Variants in ZCCHC7 observed in about 807,000 individuals in gnomAD.
ZCCHC7 encodes the protein zinc finger CCHC-type containing 7.
ZCCHC7 carries 35 observed loss-of-function variants against 52.0 expected under a neutral mutation model. The ratio of observed to expected loss-of-function variants is 0.67; its 90% CI spans 0.51 to 0.89. The LOEUF (loss-of-function observed/expected upper bound fraction) is 0.89, where lower values mean the gene tolerates loss of function less well. ZCCHC7 is among the 40% of genes least tolerant of loss of function. The pLI, the probability that ZCCHC7 is intolerant of heterozygous loss-of-function variation, is 0.00. For missense variants in ZCCHC7, 574 were observed against 649.1 expected (o/e 0.88, Z 1.26); for synonymous variants, 217 against 221.5 (o/e 0.98, Z 0.18).
At chr9:37,127,001 T>A (rs1246484531) in intron 2 of ZCCHC7, 59 bp downstream of exon 2, 2 of 1,570,806 alleles carry the variant, frequency 1.3e-6, no homozygotes, top group Non-Finnish European at 1.7e-6. Flanking sequence ...AGGACTGCTT[T>A]TCCTAGAGAA....
rs533370639 is a variant in ZCCHC7 at position 37,205,854 on chromosome 9, A to T, written c.610+78912A>T. On this transcript the variant is annotated intron_variant, in intron 2 of 8. Coordinates refer to ENST00000336755, the MANE Select transcript of ZCCHC7 (RefSeq NM_032226.3). ...TTATTTGGTGAGGAAAGTTGAAATC[A>T]TGCATTTGTACAATTGTGGATTTGT... Among the ~76,000 whole-genome samples, 4 of 149,836 alleles carry T rather than the reference A, an allele frequency of 2.7e-5. No individual in the cohort carries two copies. In the South Asian group the frequency reaches 6.3e-4, roughly 24 times the overall value.
chr9:37,274,387 A>AG, intron 2 of ZCCHC7, among the ~76,000 whole-genome samples: 1 of 120,884 alleles, frequency 8.3e-6, no homozygotes, highest in South Asian at 2.7e-4. Context: ...TTGCTCAGGC[A>AG]GGAGCACAGT....
intron 2 of ZCCHC7, among the ~76,000 whole-genome samples, chr9:37,217,710 A>G (rs910251794): frequency 6.6e-6 from 1 of 152,200 alleles, no homozygotes; most frequent in South Asian, 2.1e-4. Flanking sequence ...TAAATTTCCA[A>G]CAGTATCTTG....
chr9:37,161,313 A>G (rs868470652), intron 2 of ZCCHC7, among the ~76,000 whole-genome samples: 3 of 152,080 alleles, frequency 2.0e-5, no homozygotes, highest in East Asian at 3.9e-4. Context: ...GGTGGCTCAC[A>G]CCTGTAATCC....
chr9:37,198,770 A>C (rs563687567), intron 2 of ZCCHC7, among the ~76,000 whole-genome samples: 1 of 152,264 alleles, frequency 6.6e-6, no homozygotes, highest in South Asian at 2.1e-4. Context: ...GGAGGAGATA[A>C]ATTTGAAAGA....
intron 2 of ZCCHC7, among the ~76,000 whole-genome samples, chr9:37,280,686 CT>C (rs925072499): frequency 1.5e-4 from 23 of 151,144 alleles, no homozygotes; most frequent in African/African-American, 3.6e-4. Context: ...ATTCATTAAA[CT>C]TTTTTTTGTT....
At chr9:37,289,686 T>C (rs1374514489) in intron 2 of ZCCHC7, among the ~76,000 whole-genome samples, 3 of 152,222 alleles carry the variant, frequency 2.0e-5, no homozygotes, top group African/African-American at 7.2e-5. Context: ...TCAAATCATA[T>C]TACTCTTACG....
At chr9:37,200,584 C>T in intron 2 of ZCCHC7, among the ~76,000 whole-genome samples, 1 of 152,180 alleles carries the variant, frequency 6.6e-6, no homozygotes, top group Middle Eastern at 3.2e-3. Flanking sequence ...TGATGTGCAA[C>T]TGTTGAGTCC....
chr9:37,235,363 A>T (rs1380355666), intron 2 of ZCCHC7, among the ~76,000 whole-genome samples: 1 of 152,042 alleles, frequency 6.6e-6, no homozygotes, highest in Non-Finnish European at 1.5e-5. Flanking sequence ...TATTTGTCTT[A>T]CTGTGTCTGG....
intron 2 of ZCCHC7, among the ~76,000 whole-genome samples, chr9:37,271,710 T>G (rs1003332263): frequency 6.6e-6 from 1 of 151,930 alleles, no homozygotes; most frequent in Non-Finnish European, 1.5e-5. Flanking sequence ...GCTGGGACTG[T>G]GGGGGTGCGC....
chr9:37,310,517 G>A (rs1208071405), intron 5 of ZCCHC7, among the ~76,000 whole-genome samples: 1 of 152,144 alleles, frequency 6.6e-6, no homozygotes, highest in Non-Finnish European at 1.5e-5. Context: ...GATATGAAGT[G>A]TAGGTACTAT....
At chr9:37,304,817 A>G (rs1004484810) in intron 4 of ZCCHC7, among the ~76,000 whole-genome samples, 1 of 152,216 alleles carries the variant, frequency 6.6e-6, no homozygotes, top group Non-Finnish European at 1.5e-5. Context: ...ACTTATCATT[A>G]CTAGTTGTAT....
In ZCCHC7 at chr9:37,304,086, A is replaced by T. The variant is rs768679893; in HGVS notation, c.655-102A>T. 2.7e-6 allele frequency: 3 copies of T among 1,128,292 alleles called. No homozygotes were observed. In the African/African-American group the frequency reaches 4.7e-5, roughly 18 times the overall value. The allele number at this position is 1,128,292 out of a possible 1,614,324, so 69.9% of individuals were successfully genotyped here. A position where few individuals can be genotyped will look rare whatever the true frequency, so the allele number is the denominator to read the frequency against. On this transcript the variant is annotated intron_variant, in intron 3 of 8. Coordinates refer to ENST00000336755, the MANE Select transcript of ZCCHC7 (RefSeq NM_032226.3). ...GGTAATGGAACTGACTTGAAGCTTG[A>T]TGTATCTTTATTTGCTTATAGTTGT...
chr9:37,208,237 A>G (rs1182048036), intron 2 of ZCCHC7, among the ~76,000 whole-genome samples: 1 of 152,122 alleles, frequency 6.6e-6, no homozygotes, highest in Non-Finnish European at 1.5e-5. Context: ...GGCGTGCACC[A>G]CCACACGCGG....
chr9:37,250,437 G>T (rs1407726326), intron 2 of ZCCHC7, among the ~76,000 whole-genome samples: 1 of 152,032 alleles, frequency 6.6e-6, no homozygotes, highest in Non-Finnish European at 1.5e-5. Context: ...AAGTAGCTGG[G>T]ATTACAGATG....
In ZCCHC7 at chr9:37,354,558, C is replaced by T; in HGVS notation, c.1084-152C>T. ...GTGGGGTTTAGGGCTGGGTGACCCT[C>T]CCAACACCCCAGCAAGGACCATATC... On this transcript the variant is annotated intron_variant, in intron 7 of 8. Coordinates refer to ENST00000336755, the MANE Select transcript of ZCCHC7 (RefSeq NM_032226.3). This position sits in a 1 kb window ranked among gnomAD's most constrained non-coding sequence, Gnocchi z 4.0. 2 of 553,958 alleles carry T rather than the reference C, an allele frequency of 3.6e-6. No individual in the cohort carries two copies. The allele number at this position is 553,958 out of a possible 1,614,324, so 34.3% of individuals were successfully genotyped here.
At chr9:37,306,132 A>G (rs979918573) in intron 5 of ZCCHC7, among the ~76,000 whole-genome samples, 1 of 151,948 alleles carries the variant, frequency 6.6e-6, no homozygotes, top group Non-Finnish European at 1.5e-5. Flanking sequence ...CGGTGGTGCA[A>G]TCTCGGCTCA....
chr9:37,191,159 T>C (rs1033194821), intron 2 of ZCCHC7, among the ~76,000 whole-genome samples: 1 of 152,230 alleles, frequency 6.6e-6, no homozygotes, highest in Non-Finnish European at 1.5e-5. Context: ...TTGCAACTTT[T>C]GCTGCCTCAG....
intron 2 of ZCCHC7, among the ~76,000 whole-genome samples, chr9:37,171,902 A>G (rs770898433): frequency 3.9e-5 from 6 of 152,226 alleles, no homozygotes; most frequent in Non-Finnish European, 7.3e-5. Context: ...TTATTTTGGT[A>G]GATGTATTCT....
Sources: gnomAD v4.1 joint callset for allele counts (sites outside exome capture counted in the v4.1 genomes callset) on GRCh38, gnomAD v4.1.1 for gene constraint, Gnocchi (gnomAD v3.1) non-coding constraint, MANE v1.5 for transcripts, NCBI Gene and HGNC (gene_info 2026-07-23, HGNC 2026-07-21) for gene names.